Variants in SMAD6 observed in about 807,000 individuals in gnomAD.
SMAD6 encodes the protein SMAD family member 6.
In SMAD6, 103 loss-of-function variants were observed where a neutral mutation model predicts 39.4. That is an observed-to-expected ratio of 2.62 (90% CI 2.23 to 3.08). SMAD6 has a LOEUF of 3.08. Ranked by LOEUF, SMAD6 falls within the 30% of genes most tolerant of loss-of-function variation. The pLI, the probability that SMAD6 is intolerant of heterozygous loss-of-function variation, is 0.00. For synonymous variants in SMAD6, 445 were observed against 353.3 expected (o/e 1.26, Z -2.91); for missense variants, 1,104 against 742.9 (o/e 1.49, Z -5.65).
intron 2 of SMAD6, among the ~76,000 whole-genome samples, chr15:66,715,289 G>GAAA (rs199551873): frequency 1.3e-4 from 18 of 135,228 alleles, no homozygotes; most frequent in South Asian, 2.4e-4. Context: ...AACGAGAGAG[G>GAAA]AAAAAAAAAA....
Position 66,781,191 on chromosome 15 carries a change from A to C in SMAD6, c.1147A>C (p.Thr383Pro). 1 of 1,608,036 alleles carries C rather than the reference A, an allele frequency of 6.2e-7. No individual in the cohort carries two copies. Among genetic ancestry groups the C allele is most frequent in the Non-Finnish European group, 8.5e-7 (1 of 1,179,744 alleles). ...LEQRSESVRRTRSKIGFGILL... is the reference protein window; with the variant it reads ...LEQRSESVRRPRSKIGFGILL... ...GCAGCGCAGCGAGTCGGTGCGGCGA[A>C]CGCGCAGCAAGATCGGCTTCGGCAT... The change falls in exon 4 of 4, where the codon ACG becomes CCG. Residue 383 changes from threonine (T) to proline (P), a missense_variant. Physicochemically the swap from Thr to Pro is conservative, Grantham distance 38 (BLOSUM62 -1). Transcript: ENST00000288840.
chr15:66,735,089 A>C (rs1443006451), intron 3 of SMAD6, among the ~76,000 whole-genome samples: 1 of 152,228 alleles, frequency 6.6e-6, no homozygotes, highest in East Asian at 1.9e-4. Context: ...TTTAGGATAC[A>C]GAGAAACTCA....
At chr15:66,727,829 G>A (rs1893549583) in intron 3 of SMAD6, among the ~76,000 whole-genome samples, 1 of 152,050 alleles carries the variant, frequency 6.6e-6, no homozygotes, top group Non-Finnish European at 1.5e-5. Flanking sequence ...GATGTCACAT[G>A]TGAACAATTT....
At chr15:66,743,713 G>A (rs1203510834) in intron 3 of SMAD6, among the ~76,000 whole-genome samples, 1 of 152,044 alleles carries the variant, frequency 6.6e-6, no homozygotes, top group Non-Finnish European at 1.5e-5. Context: ...AAATTATTTG[G>A]ATGTTATTTT....
chr15:66,720,138 C>T (rs930052309), intron 3 of SMAD6, among the ~76,000 whole-genome samples: 3 of 152,164 alleles, frequency 2.0e-5, no homozygotes, highest in African/African-American at 7.2e-5. Flanking sequence ...TATTTCCTTT[C>T]CTCTTCCATT....
At position 66,781,740 on chromosome 15, in the gene SMAD6, TTATG is replaced by T. The variant is rs1894583121; in HGVS notation, c.*210_*213del. 4.8e-6 allele frequency: 2 copies of T among 414,370 alleles called. No homozygotes were observed. Among genetic ancestry groups the T allele is most frequent in the East Asian group, 3.5e-5 (1 of 28,586 alleles). The allele number at this position is 414,370 out of a possible 1,614,324, so 25.7% of individuals were successfully genotyped here. ...GGAGTCATTTTTACAATGTAATTAT[TTATG>T]TATGGTGCAATGTGTGTATATGGAC... On this transcript the variant is annotated 3_prime_UTR_variant, in exon 4 of 4. Coordinates refer to ENST00000288840, the MANE Select transcript of SMAD6 (RefSeq NM_005585.5).
intron 3 of SMAD6, among the ~76,000 whole-genome samples, chr15:66,737,995 A>G (rs771242063): frequency 2.0e-5 from 3 of 152,154 alleles, no homozygotes; most frequent in East Asian, 1.9e-4. Context: ...GGCTGATACA[A>G]TTGACTCTCT....
chr15:66,727,928 C>T (rs1173760766), intron 3 of SMAD6, among the ~76,000 whole-genome samples: 4 of 152,074 alleles, frequency 2.6e-5, no homozygotes, highest in East Asian at 1.9e-4. Flanking sequence ...TCTCCGCTCG[C>T]GGTAACCTCC....
chr15:66,781,347 T>C lies in SMAD6; in HGVS notation c.1303T>C (p.Ser435Pro). The part of the protein sequence containing the change: ...LVVRKVPPGY[S>P]IKVFDFERSG... Reference sequence around the variant, plus strand: ...CGTGCGCAAGGTGCCCCCCGGCTACTCCATCAAGGTGTTCGACTTCGAGCG... The same window carrying C: ...CGTGCGCAAGGTGCCCCCCGGCTACCCCATCAAGGTGTTCGACTTCGAGCG... Residue 435 changes from serine (S) to proline (P), a missense_variant, in exon 4 of 4, where the codon TCC becomes CCC. Transcript: ENST00000288840. 1 of 1,598,022 alleles carries C rather than the reference T, an allele frequency of 6.3e-7. No homozygotes were observed. The highest frequency in any genetic ancestry group is 8.5e-7 in the Non-Finnish European group (1 of 1,173,758).
intron 1 of SMAD6, chr15:66,705,043 A>C (rs1227751426): frequency 6.6e-6 from 1 of 152,418 alleles, no homozygotes; most frequent in African/African-American, 2.4e-5. Flanking sequence ...ATGGGAATCC[A>C]TTAGCTGGCA....
rs1022298283 is a variant in SMAD6, at chr15:66,781,950, C to T, written c.*415C>T. ...GAGATATTAATGCCCAGACAAAAAG[C>T]TAATACCAGTCACTCGATAATAAAG... On this transcript the variant is annotated 3_prime_UTR_variant, in exon 4 of 4. Transcript: ENST00000288840. 7.5e-6 allele frequency: 3 copies of T among 398,764 alleles called. No homozygotes were observed. The highest frequency in any genetic ancestry group is 1.3e-5 in the Non-Finnish European group (3 of 226,056). 24.7% of individuals were successfully genotyped at this position (398,764 alleles called of 1,614,324 possible).
chr15:66,778,632 A>T (rs1271450894), intron 3 of SMAD6, among the ~76,000 whole-genome samples: 2 of 152,212 alleles, frequency 1.3e-5, no homozygotes, highest in Non-Finnish European at 2.9e-5. Flanking sequence ...TCATGCTTAC[A>T]TATAGGGAAA....
chr15:66,708,122 G>A (rs1299080589), intron 1 of SMAD6: 2 of 152,436 alleles, frequency 1.3e-5, no homozygotes, highest in African/African-American at 4.8e-5. Context: ...AAGGGGGTTG[G>A]AGTTTCTGAT....
intron 3 of SMAD6, among the ~76,000 whole-genome samples, chr15:66,770,122 C>A (rs766115843): frequency 6.6e-5 from 10 of 152,176 alleles, no homozygotes; most frequent in Non-Finnish European, 8.8e-5. Flanking sequence ...GCCACTGCGC[C>A]CGGCCGAGAA....
chr15:66,737,282 T>C (rs1248945355), intron 3 of SMAD6, among the ~76,000 whole-genome samples: 2 of 152,170 alleles, frequency 1.3e-5, no homozygotes, highest in Non-Finnish European at 2.9e-5. Context: ...GTTTTACCCA[T>C]CTGGCTGGCT....
At chr15:66,759,628 G>A (rs929523069) in intron 3 of SMAD6, among the ~76,000 whole-genome samples, 2 of 152,076 alleles carry the variant, frequency 1.3e-5, no homozygotes, top group South Asian at 2.1e-4. Context: ...TTGGATCTTC[G>A]TTTACTCCTT....
rs1894590024 is a variant in SMAD6 at position 66,782,140 on chromosome 15, C to T, written c.*605C>T. On this transcript the variant is annotated 3_prime_UTR_variant, in exon 4 of 4. Transcript: ENST00000288840. ...ACAAATTGAAAAGGGAGGAAAGTCA[C>T]ATTTACTCTTAAGTAAACCAGAGAA... is the stretch of plus-strand genomic sequence containing the variant. The T allele has an allele frequency of 2.6e-6, 1 of 385,780 alleles. No individual in the cohort carries two copies. The highest frequency in any genetic ancestry group is 2.1e-5 in the African/African-American group (1 of 48,372). The allele number at this position is 385,780 out of a possible 1,614,324, so 23.9% of individuals were successfully genotyped here.
At chr15:66,773,277 A>G (rs879617068) in intron 3 of SMAD6, among the ~76,000 whole-genome samples, 1 of 152,144 alleles carries the variant, frequency 6.6e-6, no homozygotes, top group Admixed American at 6.5e-5. Context: ...CAGCGTTTGG[A>G]AAGAGTTCAG....
In SMAD6 at chr15:66,769,105, C is replaced by T. The variant is rs148060837; in HGVS notation, c.953-11892C>T. Among the ~76,000 whole-genome samples the T allele has an allele frequency of 1.7e-3, 255 of 152,278 alleles. 3 individuals are homozygous for T. The highest frequency in any genetic ancestry group is 5.8e-3 in the African/African-American group (240 of 41,554). On this transcript the variant is annotated intron_variant, in intron 3 of 3. Transcript: ENST00000288840. ...AATGGGGAAAGAAACTCCTGGTCATCGAGTGCCGGGTACTGTTGTCAAGCC... is the reference window on the plus strand; with the variant it reads ...AATGGGGAAAGAAACTCCTGGTCATTGAGTGCCGGGTACTGTTGTCAAGCC...
Sources: allele counts gnomAD v4.1 joint callset (sites outside exome capture counted in the v4.1 genomes callset), GRCh38; gene constraint gnomAD v4.1.1; transcripts MANE v1.5; gene names NCBI Gene and HGNC (gene_info 2026-07-23, HGNC 2026-07-21).